The following KRT78 variants were observed in gnomAD, a reference collection of about 807,000 sequenced individuals.
The protein encoded by KRT78 is keratin, type II cytoskeletal 78.
A neutral mutation model predicts 51.4 loss-of-function variants in KRT78; 55 were observed. The observed-to-expected ratio is 1.07, with a 90% CI of 0.86 to 1.34. The LOEUF is 1.34. Ranked by LOEUF, KRT78 falls within the 40% of genes most tolerant of loss-of-function variation. The pLI is 0.00. For missense variants in KRT78, 652 were observed against 649.4 expected, an observed-to-expected ratio of 1.00 and a Z score of -0.04; for synonymous variants, 291 against 264.3, an observed-to-expected ratio of 1.10 and a Z score of -0.98.
At position 52,848,752 on chromosome 12, in the gene KRT78, C is replaced by A. The variant is rs753693330; in HGVS notation, c.179G>T (p.Gly60Val). The A allele has an allele frequency of 6.2e-7, 1 of 1,607,916 alleles. No individual in the cohort carries two copies. The highest frequency in any genetic ancestry group is 1.1e-5 in the South Asian group (1 of 90,514). ...GSRGSTWGSG[G>V]RLGVRFGEWS... Reference sequence around the variant, plus strand: ...CTCCCCAAACCGCACCCCCAGCCTACCCCCTGACCCCCAGGTACTCCCACG... The same window carrying A: ...CTCCCCAAACCGCACCCCCAGCCTAACCCCTGACCCCCAGGTACTCCCACG... Residue 60 changes from glycine (G) to valine (V), a missense_variant, in exon 1 of 9, where the codon GGT becomes GTT. Physicochemically the swap from Gly to Val is moderately radical, Grantham distance 109 (BLOSUM62 -3). Transcript: ENST00000304620.
intron 1 of KRT78, 176 bp downstream of exon 1, chr12:52,848,371 A>G (rs1441698253): frequency 2.8e-6 from 4 of 1,408,518 alleles, no homozygotes; most frequent in Non-Finnish European, 3.9e-6. Context: ...ATCATGGAAC[A>G]ACAGGGCCTC....
At chr12:52,844,012 GGA>G (rs954989524) in intron 6 of KRT78, 79 bp downstream of exon 6, 1 of 1,557,090 alleles carries the variant, frequency 6.4e-7, no homozygotes, top group Admixed American at 1.9e-5. Context: ...CAACCCAACT[GGA>G]GAGAGAAGCT....
chr12:52,839,373 C>T lies in KRT78; in HGVS notation c.1304-1G>A. 1 of 1,613,712 alleles carries T rather than the reference C, an allele frequency of 6.2e-7. No homozygotes were observed. Among genetic ancestry groups the T allele is most frequent in the South Asian group, 1.1e-5 (1 of 91,020 alleles). Reference sequence around the variant, plus strand: ...ATGACAGCGCTGCCTCCCACCGAGGCTGCCAAGAAACGCACCGGGTCAGAG... The same window carrying T: ...ATGACAGCGCTGCCTCCCACCGAGGTTGCCAAGAAACGCACCGGGTCAGAG... On this transcript the variant is annotated splice_acceptor_variant, in intron 8 of 8. Transcript: ENST00000304620. LOFTEE classifies it high-confidence loss of function.
chr12:52,845,660 T>A (rs917216612), intron 4 of KRT78, among the ~76,000 whole-genome samples: 1 of 152,156 alleles, frequency 6.6e-6, no homozygotes, highest in Admixed American at 6.5e-5. Flanking sequence ...TGTCTCCCAA[T>A]AGAAAGCAAA....
intron 3 of KRT78, 50 bp from the exon 4 acceptor site, chr12:52,846,342 T>G (rs10876362): frequency 0.043 from 50,156 of 1,169,318 alleles, 6,285 homozygotes; most frequent in African/African-American, 0.38. Context: ...CTCTTTGGGG[T>G]CCCTACTCTG....
intron 2 of KRT78, 71 bp from the exon 3 acceptor site, chr12:52,846,895 T>A: frequency 1.0e-5 from 12 of 1,168,730 alleles, no homozygotes; most frequent in Non-Finnish European, 1.5e-5. Context: ...TGTCCGAGCA[T>A]GACCTCCCTG....
At chr12:52,844,363 A>G in intron 5 of KRT78, 145 bp from the exon 6 acceptor site, 1 of 1,195,928 alleles carries the variant, frequency 8.4e-7, no homozygotes, top group South Asian at 1.5e-5. Flanking sequence ...ATACTTCCAG[A>G]AGTCCAAGCT....
Position 52,839,903 on chromosome 12 carries a change from C to A in KRT78, c.1129G>T (p.Glu377Ter), listed in dbSNP as rs1054974869. 2.5e-6 allele frequency: 4 copies of A among 1,614,092 alleles called. No homozygotes were observed. Among genetic ancestry groups the A allele is most frequent in the Middle Eastern group, 1.6e-4 (1 of 6,062 alleles). ...ALKDAQAKVD[E>*]LEAALRMAKQ... ...GCCATCCTCAGAGCAGCCTCCAGCT[C>A]GTCCACCTTGGCCTGAGCGTCCTTG... The change falls in exon 7 of 9, where the codon GAG becomes TAG. Residue 377 changes from glutamate (E) to a stop codon, truncating the protein, a stop_gained. Coordinates refer to ENST00000304620, the MANE Select transcript of KRT78 (RefSeq NM_173352.4). LOFTEE classifies it high-confidence loss of function.
In KRT78 at chr12:52,848,832, C is replaced by T. The variant is rs1160491026; in HGVS notation, c.99G>A (p.Arg33=). The T allele has an allele frequency of 6.2e-7, 1 of 1,612,774 alleles. No homozygotes were observed. Among genetic ancestry groups the T allele is most frequent in the Non-Finnish European group, 8.5e-7 (1 of 1,179,758 alleles). ...RGRSRGGFSS[R]GGFSSRSLNS... Reference sequence around the variant, plus strand: ...TAAGGCTCCTGCTGCTGAAGCCGCCCCTGCTGCTGAAGCCTCCCCTGCTGC... The same window carrying T: ...TAAGGCTCCTGCTGCTGAAGCCGCCTCTGCTGCTGAAGCCTCCCCTGCTGC... The change falls in exon 1 of 9, where the codon AGG becomes AGA. Residue 33 remains arginine, a synonymous_variant. Coordinates refer to ENST00000304620, the MANE Select transcript of KRT78 (RefSeq NM_173352.4).
rs539407109 is a variant in KRT78, at chr12:52,839,822, G to T, written c.1210C>A (p.Leu404Ile). Residue 404 changes from leucine (L) to isoleucine (I), a missense_variant, in exon 7 of 9, where the codon CTT becomes ATT. By Grantham distance (5) the Leu-to-Ile change is conservative. Coordinates refer to ENST00000304620, the MANE Select transcript of KRT78 (RefSeq NM_173352.4). ...GTGGCAATCTCCACATCCAGGGAAAGCTTCGTGCTCGTCAGCTCCTGGTAC... is the reference window on the plus strand; with the variant it reads ...GTGGCAATCTCCACATCCAGGGAAATCTTCGTGCTCGTCAGCTCCTGGTAC... ...CEYQELTSTKLSLDVEIATYR... is the reference protein window; with the variant it reads ...CEYQELTSTKISLDVEIATYR... The T allele has an allele frequency of 1.9e-6, 3 of 1,614,024 alleles. No individual in the cohort carries two copies. The highest frequency in any genetic ancestry group is 4.5e-5 in the East Asian group (2 of 44,860).
chr12:52,848,084 G>A lies in KRT78; in HGVS notation c.422C>T (p.Thr141Met), dbSNP rs571219237. The stretch of plus-strand genomic sequence containing the variant: ...CTGTTGCTGCAGCAGATGCCACTTC[G>A]TCTCCAGGACCTTGTTCTGCTGCTC... ...FLEQQNKVLE[T>M]KWHLLQQQGL... Residue 141 changes from threonine to methionine, a missense_variant, in exon 2 of 9, where the codon ACG (threonine) becomes ATG (methionine). Transcript: ENST00000304620. 52 of 1,614,116 alleles carry A rather than the reference G, an allele frequency of 3.2e-5. 1 individual carries two copies. Among genetic ancestry groups the A allele is most frequent in the South Asian group, 2.2e-4 (20 of 91,080 alleles).
At chr12:52,845,541 T>C (rs1940620415) in intron 4 of KRT78, among the ~76,000 whole-genome samples, 1 of 152,236 alleles carries the variant, frequency 6.6e-6, no homozygotes, top group South Asian at 2.1e-4. Flanking sequence ...ACCTGCTCCA[T>C]GTTCCCAATC....
At position 52,839,003 on chromosome 12, in the gene KRT78, C is replaced by A; in HGVS notation, c.*110G>T. ...ACTTTATTGATTTTTGCAGCATCCG[C>A]TGTGGGCTGGCTTGGGCTGTGGGCA... On this transcript the variant is annotated 3_prime_UTR_variant, in exon 9 of 9. Transcript: ENST00000304620. 3.1e-6 allele frequency: 4 copies of A among 1,309,954 alleles called. No individual in the cohort carries two copies. The highest frequency in any genetic ancestry group is 4.2e-6 in the Non-Finnish European group (4 of 957,906). 81.1% of individuals were successfully genotyped at this position (1,309,954 alleles called of 1,614,324 possible). A position where few individuals can be genotyped will look rare whatever the true frequency, so the allele number is the denominator to read the frequency against.
intron 6 of KRT78, among the ~76,000 whole-genome samples, chr12:52,843,595 C>T (rs756122849): frequency 1.4e-4 from 20 of 145,232 alleles, no homozygotes; most frequent in Admixed American, 2.8e-4. Flanking sequence ...GAGGCTGAGG[C>T]AGGAGAATCC....
At position 52,846,285 on chromosome 12, in the gene KRT78, T is replaced by C. The variant is rs1940641297; in HGVS notation, c.668A>G (p.Asp223Gly). 6.2e-7 allele frequency: 1 copy of C among 1,610,070 alleles called. No homozygotes were observed. The highest frequency in any genetic ancestry group is 1.1e-5 in the South Asian group (1 of 91,002). Residue 223 changes from aspartate to glycine, a missense_variant, in exon 4 of 9, where the codon GAT (aspartate) becomes GGT (glycine). Physicochemically the swap from Asp to Gly is moderately conservative, Grantham distance 94. Transcript: ENST00000304620. ...CTCCATCTTGCTCAGGAAAACCCCATCCACATCCTGGAGACAAGGGGAGAG... is the reference window on the plus strand; with the variant it reads ...CTCCATCTTGCTCAGGAAAACCCCACCCACATCCTGGAGACAAGGGGAGAG... ...NDFVVLKKDVDGVFLSKMELE... is the reference protein window; with the variant it reads ...NDFVVLKKDVGGVFLSKMELE...
In KRT78 at chr12:52,841,401, C is replaced by T. The variant is rs1021766030; in HGVS notation, c.1048-1417G>A. Among the ~76,000 whole-genome samples the T allele has an allele frequency of 1.4e-4, 21 of 151,250 alleles. No individual in the cohort carries two copies. The East Asian group carries it at 2.3e-3, about 17-fold the overall frequency. On this transcript the variant is annotated intron_variant, in intron 6 of 8. Coordinates refer to ENST00000304620, the MANE Select transcript of KRT78 (RefSeq NM_173352.4). ...ACTCAGGAGGCTGAGGTAGGAGAAT[C>T]GCTTGAACCCGGGAGGCGGAGGTTG...
intron 2 of KRT78, 149 bp downstream of exon 2, chr12:52,847,758 C>G: frequency 1.5e-6 from 1 of 651,730 alleles, no homozygotes; most frequent in East Asian, 2.7e-5. Context: ...CACCTGAGAG[C>G]CTGGGGAATG....
Position 52,837,866 on chromosome 12 carries a change from C to T in KRT78, c.*1247G>A, listed in dbSNP as rs1030389934. On this transcript the variant is annotated 3_prime_UTR_variant, in exon 9 of 9. Coordinates refer to ENST00000304620, the MANE Select transcript of KRT78 (RefSeq NM_173352.4). ...GATGAATTTAGTTTCCTTCTGGGAT[C>T]CTAGTGGCACTGTCGCCACACAGCC... The T allele has an allele frequency of 7.2e-5, 11 of 152,186 alleles. No homozygotes were observed. Among genetic ancestry groups the T allele is most frequent in the African/African-American group, 2.7e-4 (11 of 41,436 alleles). The allele number at this position is 152,186 out of a possible 1,614,324, so 9.4% of individuals were successfully genotyped here.
intron 3 of KRT78, 122 bp downstream of exon 3, chr12:52,846,642 G>T: frequency 3.3e-6 from 3 of 908,620 alleles, no homozygotes; most frequent in South Asian, 2.9e-5. Flanking sequence ...GGGGACCCCT[G>T]CAGGTAGAGT....
Sources: gnomAD v4.1 joint callset for allele counts (sites outside exome capture counted in the v4.1 genomes callset) on GRCh38, gnomAD v4.1.1 for gene constraint, MANE v1.5 for transcripts, NCBI Gene and HGNC (gene_info 2026-07-23, HGNC 2026-07-21) for gene names.